The following CLBA1 variants were observed in gnomAD, a reference collection of about 807,000 sequenced individuals.
The protein encoded by CLBA1 is uncharacterized protein CLBA1.
A neutral mutation model predicts 28.8 loss-of-function variants in CLBA1; 30 were observed. The observed-to-expected ratio is 1.04, with a 90% CI of 0.78 to 1.41. CLBA1 has a LOEUF of 1.41. Among genes scored for constraint, CLBA1 ranks in the 40% most tolerant of loss-of-function variants. The pLI, the probability that CLBA1 is intolerant of heterozygous loss-of-function variation, is 0.00. For missense variants in CLBA1, 451 were observed against 412.3 expected, an observed-to-expected ratio of 1.09 and a Z score of -0.81; for synonymous variants, 160 against 152.8, an observed-to-expected ratio of 1.05 and a Z score of -0.35.
chr14:104,986,857 A>AAAC lies in CLBA1; in HGVS notation c.423+3_423+4insAAC. On this transcript the variant is annotated splice_donor_region_variant and intron_variant, in intron 1 of 4. Transcript: ENST00000547315. ...CTTCTGCCGTCCCACCTTCTGAGGTATTTCTGCTGTGCTGTGGTCACCATG... is the reference window on the plus strand; with the variant it reads ...CTTCTGCCGTCCCACCTTCTGAGGTAAACTTTCTGCTGTGCTGTGGTCACCATG... The AAAC allele has an allele frequency of 6.2e-7, 1 of 1,612,400 alleles. No homozygotes were observed. The highest frequency in any genetic ancestry group is 1.1e-5 in the South Asian group (1 of 91,070).
intron 2 of CLBA1, chr14:104,991,179 C>T (rs551552688): frequency 4.0e-6 from 1 of 249,802 alleles, no homozygotes; most frequent in African/African-American, 2.3e-5. Flanking sequence ...CGCCCATCAC[C>T]ACGCCCGGCT....
chr14:104,993,777 G>A (rs1298765057), intron 4 of CLBA1: 2 of 985,338 alleles, frequency 2.0e-6, no homozygotes, highest in African/African-American at 3.5e-5. Flanking sequence ...GGAACAGTCG[G>A]GGCTCATTGT....
chr14:104,991,019 ATTTG>A (rs1176763989), intron 2 of CLBA1: 1 of 160,008 alleles, frequency 6.2e-6, no homozygotes, highest in Non-Finnish European at 1.4e-5. Context: ...TGCTGTTTTT[ATTTG>A]TTTTTTTGTT....
chr14:104,995,008 T>A lies in CLBA1; in HGVS notation c.*249T>A. ...CCATGACAGGCTGTCGGGGTCCAGG[T>A]GGCACTCATGGGCCCCCTGCCCCAT... is the stretch of plus-strand genomic sequence containing the variant. On this transcript the variant is annotated 3_prime_UTR_variant, in exon 5 of 5. Coordinates refer to ENST00000547315, the MANE Select transcript of CLBA1 (RefSeq NM_174891.4). 1 of 1,152,036 alleles carries A rather than the reference T, an allele frequency of 8.7e-7. No individual in the cohort carries two copies. The highest frequency in any genetic ancestry group is 1.1e-6 in the Non-Finnish European group (1 of 934,774). 71.4% of individuals were successfully genotyped at this position (1,152,036 alleles called of 1,614,324 possible). A position where few individuals can be genotyped will look rare whatever the true frequency, so the allele number is the denominator to read the frequency against.
At chr14:104,994,210 G>A (rs971344579) in intron 4 of CLBA1, 47 of 985,296 alleles carry the variant, frequency 4.8e-5, no homozygotes, top group Non-Finnish European at 5.5e-5. Context: ...TGGGGGAGAC[G>A]TCCAGCCGCA....
chr14:104,985,844 TG>T lies in CLBA1; in HGVS notation c.-586del. 1 of 247,880 alleles carries T rather than the reference TG, an allele frequency of 4.0e-6. No individual in the cohort carries two copies. The highest frequency in any genetic ancestry group is 2.4e-5 in the South Asian group (1 of 42,140). The allele number at this position is 247,880 out of a possible 1,614,324, so 15.4% of individuals were successfully genotyped here. ...GGCTGGTTGCAGGTTTCTCTCGCCC[TG>T]GTCCCGCGCGGCCCCGCCGAGGCGG... On this transcript the variant is annotated 5_prime_UTR_variant, in exon 1 of 5. Coordinates refer to ENST00000547315, the MANE Select transcript of CLBA1 (RefSeq NM_174891.4).
chr14:104,989,657 A>C, intron 2 of CLBA1: 1 of 456,160 alleles, frequency 2.2e-6, no homozygotes, highest in Non-Finnish European at 4.4e-6. Flanking sequence ...TGAGCATTGA[A>C]AGACAGACAG....
In CLBA1 at chr14:104,995,394, C is replaced by T. The variant is rs1265131074; in HGVS notation, c.*635C>T. ...AGGTCGCACCACTGGCCTGCGAGAG[C>T]CTCTGGTGGGCCCGTGGCTTCCCCC... On this transcript the variant is annotated 3_prime_UTR_variant, in exon 5 of 5. Transcript: ENST00000547315. The T allele has an allele frequency of 3.0e-6, 3 of 985,334 alleles. No homozygotes were observed. In the Admixed American group the frequency reaches 1.8e-4, roughly 61 times the overall value. The allele number at this position is 985,334 out of a possible 1,614,324, so 61.0% of individuals were successfully genotyped here.
chr14:104,994,955 G>T lies in CLBA1; in HGVS notation c.*196G>T. 7.9e-7 allele frequency: 1 copy of T among 1,268,438 alleles called. No individual in the cohort carries two copies. The highest frequency in any genetic ancestry group is 9.9e-7 in the Non-Finnish European group (1 of 1,006,890). The allele number at this position is 1,268,438 out of a possible 1,614,324, so 78.6% of individuals were successfully genotyped here. On this transcript the variant is annotated 3_prime_UTR_variant, in exon 5 of 5. Transcript: ENST00000547315. The stretch of plus-strand genomic sequence containing the variant: ...AGATGGAGGATGTGTCCTTGGCAGA[G>T]CCAAGGGGAGACAGAGGTTTCTGGA...
chr14:104,986,952 G>A lies in CLBA1; in HGVS notation c.423+98G>A, dbSNP rs147613227. 1.7e-3 allele frequency: 2,431 copies of A among 1,403,724 alleles called. 41 individuals are homozygous for A. The African/African-American group carries it at 0.032, about 18-fold the overall frequency. 87.0% of individuals were successfully genotyped at this position (1,403,724 alleles called of 1,614,324 possible). On this transcript the variant is annotated intron_variant, in intron 1 of 4. Transcript: ENST00000547315. ...GCTGTGGCGTGCTGGCCAGGGAGGG[G>A]GCTGACAGCCCCAGAGCGTCTGCTT...
Position 104,993,178 on chromosome 14 carries a change from T to G in CLBA1, c.816+114T>G, listed in dbSNP as rs1015311695. 56 of 1,521,252 alleles carry G rather than the reference T, an allele frequency of 3.7e-5. No homozygotes were observed. In the African/African-American group the frequency reaches 7.4e-4, roughly 20 times the overall value. The allele number at this position is 1,521,252 out of a possible 1,614,324, so 94.2% of individuals were successfully genotyped here. ...TTGCTTGTTTTCTTCCTTTAAGTCT[T>G]GTGGACTTCCAGAAAACAAACATTT... On this transcript the variant is annotated intron_variant, in intron 4 of 4. Transcript: ENST00000547315.
chr14:104,994,501 G>T, intron 4 of CLBA1, 97 bp from the exon 5 acceptor site: 1 of 1,475,848 alleles, frequency 6.8e-7, no homozygotes, highest in East Asian at 2.4e-5. Context: ...AGAACACTAG[G>T]GGGCCGAGAG....
chr14:104,995,233 G>C lies in CLBA1; in HGVS notation c.*474G>C. 1.0e-6 allele frequency: 1 copy of C among 986,488 alleles called. No homozygotes were observed. The allele number at this position is 986,488 out of a possible 1,614,324, so 61.1% of individuals were successfully genotyped here. On this transcript the variant is annotated 3_prime_UTR_variant, in exon 5 of 5. Coordinates refer to ENST00000547315, the MANE Select transcript of CLBA1 (RefSeq NM_174891.4). ...CTGTCTGTCACACTCTGCCCTGGCT[G>C]CTGTGTGGTCAGGGCACCATGAGGG...
In CLBA1 at chr14:104,986,723, C is replaced by G. The variant is rs768677852; in HGVS notation, c.292C>G (p.Leu98Val). ...SAKSGQFSQS[L>V]ELLEGPTEPQ... is the part of the protein sequence containing the mutation. The stretch of plus-strand genomic sequence containing the variant: ...CAAGTCTGGACAATTCTCACAGTCC[C>G]TTGAACTCCTCGAGGGACCCACAGA... Residue 98 changes from leucine (L) to valine (V), a missense_variant, in exon 1 of 5, where the codon CTT becomes GTT. By Grantham distance (32) the Leu-to-Val change is conservative. Transcript: ENST00000547315. The G allele has an allele frequency of 6.2e-6, 10 of 1,613,982 alleles. No individual in the cohort carries two copies. Among genetic ancestry groups the G allele is most frequent in the Admixed American group, 5.0e-5 (3 of 59,996 alleles).
chr14:104,992,068 G>A (rs1182886832), intron 3 of CLBA1, among the ~76,000 whole-genome samples: 15 of 121,472 alleles, frequency 1.2e-4, no homozygotes, highest in Middle Eastern at 5.6e-3. Context: ...ACGCCGCCAC[G>A]CACACCCCGC....
chr14:104,992,891 G>A (rs756226905), intron 3 of CLBA1, 57 bp from the exon 4 acceptor site: 1 of 1,376,628 alleles, frequency 7.3e-7, no homozygotes, highest in South Asian at 1.2e-5. Flanking sequence ...AGGGGAAAAG[G>A]AAACAGGAGA....
chr14:104,989,778 G>T, intron 2 of CLBA1: 1 of 444,526 alleles, frequency 2.2e-6, no homozygotes, highest in Non-Finnish European at 4.6e-6. Context: ...CCTGTCCCTC[G>T]GTGTGGTCTG....
chr14:104,987,076 G>C (rs2241867), intron 1 of CLBA1, among the ~76,000 whole-genome samples: 128,757 of 152,296 alleles, frequency 0.85, 54,775 homozygotes, highest in Middle Eastern at 0.9. Context: ...TGGGTCACAC[G>C]AAGGCCAGGT....
At chr14:104,992,736 C>T (rs938027242) in intron 3 of CLBA1, among the ~76,000 whole-genome samples, 6 of 152,172 alleles carry the variant, frequency 3.9e-5, no homozygotes, top group African/African-American at 1.2e-4. Flanking sequence ...AGTTGAGGGG[C>T]GCTGAGGTCC....
Sources: allele counts gnomAD v4.1 joint callset (sites outside exome capture counted in the v4.1 genomes callset), GRCh38; gene constraint gnomAD v4.1.1; transcripts MANE v1.5; gene names NCBI Gene and HGNC (gene_info 2026-07-23, HGNC 2026-07-21).